The following MTSS2 variants were observed in gnomAD, a reference collection of about 807,000 sequenced individuals.
MTSS2 encodes the protein MTSS I-BAR domain containing 2, also known as protein MTSS 2.
A neutral mutation model predicts 67.1 loss-of-function variants in MTSS2; 27 were observed. The observed-to-expected ratio is 0.40, with a 90% CI of 0.30 to 0.55. The LOEUF (loss-of-function observed/expected upper bound fraction) is 0.55. Among genes scored for constraint, MTSS2 ranks in the 20% least tolerant of loss-of-function variants. The pLI is 0.43. For synonymous variants in MTSS2, 624 were observed against 468.6 expected (o/e 1.33, Z -4.28); for missense variants, 1,171 against 1,067.8 (o/e 1.10, Z -1.35).
chr16:70,666,635 A>T (rs1270613359), intron 11 of MTSS2, among the ~76,000 whole-genome samples: 1 of 152,246 alleles, frequency 6.6e-6, no homozygotes, highest in African/African-American at 2.4e-5. Flanking sequence ...ATGAACCAAG[A>T]TCACCAAAAT....
In MTSS2 at chr16:70,664,079, C is replaced by T. The variant is rs377688167; in HGVS notation, c.1842G>A (p.Glu614=). ...YMGPTRAGSE[E]CVFYTDETAS... is the part of the protein sequence containing the mutation. ...CGGTCTCGTCGGTATAGAAGACGCACTCCTCACTGCCCGCCCGTGTGGGCC... is the reference window on the plus strand; with the variant it reads ...CGGTCTCGTCGGTATAGAAGACGCATTCCTCACTGCCCGCCCGTGTGGGCC... The change falls in exon 15 of 15, where the codon GAG becomes GAA. Residue 614 remains glutamate, a synonymous_variant. Coordinates refer to ENST00000338779, the MANE Select transcript of MTSS2 (RefSeq NM_138383.3). 10 of 1,611,836 alleles carry T rather than the reference C, an allele frequency of 6.2e-6. No individual in the cohort carries two copies. The highest frequency in any genetic ancestry group is 1.7e-4 in the Middle Eastern group (1 of 6,058).
rs748042851 is a variant in MTSS2 at position 70,681,075 on chromosome 16, G to A, written c.70-50C>T. 30 of 1,547,094 alleles carry A rather than the reference G, an allele frequency of 1.9e-5. No homozygotes were observed. The South Asian group carries it at 3.6e-4, about 19-fold the overall frequency. ...TGAGCTTCTTGTGGGGTGGTTGCAG[G>A]GCTTGACCTGGGCCGGGCTCCCTGC... On this transcript the variant is annotated intron_variant, in intron 1 of 14. Coordinates refer to ENST00000338779, the MANE Select transcript of MTSS2 (RefSeq NM_138383.3).
At chr16:70,682,210 G>A (rs1172079874) in intron 1 of MTSS2, among the ~76,000 whole-genome samples, 1 of 152,186 alleles carries the variant, frequency 6.6e-6, no homozygotes, top group Non-Finnish European at 1.5e-5. Flanking sequence ...TATTTGCAAA[G>A]TCCACAGAGG....
chr16:70,664,836 C>T (rs1337299183), intron 13 of MTSS2, 73 bp from the exon 14 acceptor site: 4 of 1,524,500 alleles, frequency 2.6e-6, no homozygotes, highest in Non-Finnish European at 3.5e-6. Flanking sequence ...GCAGCCCTGC[C>T]AGGTGGTTGG....
At chr16:70,680,715 G>A (rs2053275785) in intron 3 of MTSS2, 79 bp downstream of exon 3, 2 of 1,292,800 alleles carry the variant, frequency 1.5e-6, no homozygotes, top group Non-Finnish European at 2.2e-6. Context: ...TCCTTTCCCT[G>A]GCCCATCCCC....
At chr16:70,685,519 G>A (rs1316717164) in intron 1 of MTSS2, among the ~76,000 whole-genome samples, 1 of 151,894 alleles carries the variant, frequency 6.6e-6, no homozygotes, top group Admixed American at 6.6e-5. Flanking sequence ...GCACCGCACG[G>A]ACACCCCGAC....
At chr16:70,677,934 T>C in intron 8 of MTSS2, 35 bp from the exon 9 acceptor site, 1 of 1,473,616 alleles carries the variant, frequency 6.8e-7, no homozygotes, top group Non-Finnish European at 9.1e-7. Flanking sequence ...GCTGGCCCTA[T>C]CGCCCACCTG....
At position 70,664,656 on chromosome 16, in the gene MTSS2, G is replaced by A. The variant is rs374136740; in HGVS notation, c.1413C>T (p.Ser471=). ...KSSRDSLQYS[S]GYSTQTTTPS... ...GCGTGGTGGTCTGCGTGCTGTAGCC[G>A]CTGGAGTACTGCAGCGAGTCCCGGC... Residue 471 remains serine (S), a synonymous_variant, in exon 14 of 15, where the codon AGC becomes AGT. Transcript: ENST00000338779. The A allele has an allele frequency of 9.9e-6, 16 of 1,613,322 alleles. No homozygotes were observed. The highest frequency in any genetic ancestry group is 3.3e-5 in the Admixed American group (2 of 59,986).
chr16:70,683,982 T>C (rs1226706691), intron 1 of MTSS2, among the ~76,000 whole-genome samples: 1 of 152,218 alleles, frequency 6.6e-6, no homozygotes, highest in Non-Finnish European at 1.5e-5. Flanking sequence ...TGCCTCCACA[T>C]GTCAGCAAAT....
Position 70,664,044 on chromosome 16 carries a change from A to C in MTSS2, c.1877T>G (p.Leu626Arg). Residue 626 changes from leucine (L) to arginine (R), a missense_variant, in exon 15 of 15, where the codon CTG (leucine) becomes CGG (arginine). By Grantham distance (102) the Leu-to-Arg change is moderately radical. This residue lies in a region of MTSS2 where 924 missense variants were observed against 756.0 expected (regional missense o/e 1.22). Transcript: ENST00000338779. ...GGAGGCCTTGGCGAGGTCCGGTGCC[A>C]GGGGTGAGGCGGTCTCGTCGGTATA... The part of the protein sequence containing the change: ...VFYTDETASP[L>R]APDLAKASPK... 2.3e-5 allele frequency: 37 copies of C among 1,609,966 alleles called. No individual in the cohort carries two copies. Among genetic ancestry groups the C allele is most frequent in the Non-Finnish European group, 3.1e-5 (36 of 1,178,840 alleles).
Position 70,678,310 on chromosome 16 carries a change from G to A in MTSS2, c.566C>T (p.Ala189Val), listed in dbSNP as rs774333425. The A allele has an allele frequency of 6.2e-7, 1 of 1,612,550 alleles. No homozygotes were observed. Among genetic ancestry groups the A allele is most frequent in the Non-Finnish European group, 8.5e-7 (1 of 1,179,986 alleles). Reference protein sequence around the residue: ...EETEKQAVRRALIEERGRFCT... With the variant: ...EETEKQAVRRVLIEERGRFCT... ...GAAGCGGCCCCGCTCCTCGATCAGC[G>A]CCCGGCGCACGGCCTGCTTCTCCGT... Residue 189 changes from alanine to valine, a missense_variant, in exon 8 of 15, where the codon GCG becomes GTG. Ala to Val is a moderately conservative substitution (Grantham distance 64). Around this residue, in one of 2 missense-constraint regions of MTSS2, gnomAD observed 247 missense variants for 311.8 expected, o/e 0.79. Transcript: ENST00000338779.
chr16:70,661,267 G>GTGAC lies in MTSS2; in HGVS notation c.*2406_*2409dup, dbSNP rs1483066446. The GTGAC allele has an allele frequency of 1.3e-5, 6 of 455,642 alleles. No homozygotes were observed. Among genetic ancestry groups the GTGAC allele is most frequent in the South Asian group, 3.1e-5 (2 of 64,514 alleles). 28.2% of individuals were successfully genotyped at this position (455,642 alleles called of 1,614,324 possible). ...CACAGTGCATCTGTTACTTGTAGCAGTGACTATATTTAAATCGGGGAGGAT... is the reference window on the plus strand; with the variant it reads ...CACAGTGCATCTGTTACTTGTAGCAGTGACTGACTATATTTAAATCGGGGAGGAT... On this transcript the variant is annotated 3_prime_UTR_variant, in exon 15 of 15. Transcript: ENST00000338779.
chr16:70,684,180 G>A (rs1056206725), intron 1 of MTSS2, among the ~76,000 whole-genome samples: 5 of 152,226 alleles, frequency 3.3e-5, no homozygotes, highest in Admixed American at 2.0e-4. Context: ...GGTGGGGTGC[G>A]GGAAGGCCCA....
chr16:70,685,162 A>T (rs2053412388), intron 1 of MTSS2, among the ~76,000 whole-genome samples: 1 of 138,748 alleles, frequency 7.2e-6, no homozygotes, highest in East Asian at 2.5e-4. Flanking sequence ...AGGGACATTC[A>T]GCCTGGAGAC....
intron 11 of MTSS2, 23 bp from the exon 12 acceptor site, chr16:70,665,563 C>A (rs539341343): frequency 1.9e-6 from 3 of 1,538,808 alleles, no homozygotes; most frequent in Non-Finnish European, 2.6e-6. Flanking sequence ...GGCCAGCAGG[C>A]GGTTGCAGAC....
intron 1 of MTSS2, among the ~76,000 whole-genome samples, chr16:70,684,320 C>T (rs2053389602): frequency 7.0e-6 from 1 of 143,664 alleles, no homozygotes; most frequent in Non-Finnish European, 1.5e-5. Flanking sequence ...CGGAGGGGCC[C>T]AGATGTACAG....
rs775284691 is a variant in MTSS2, at chr16:70,661,377, G to C, written c.*2300C>G. 7.5e-6 allele frequency: 3 copies of C among 399,582 alleles called. No homozygotes were observed. Among genetic ancestry groups the C allele is most frequent in the South Asian group, 5.4e-5 (3 of 55,088 alleles). The allele number at this position is 399,582 out of a possible 1,614,324, so 24.8% of individuals were successfully genotyped here. The stretch of plus-strand genomic sequence containing the variant: ...AACAAATGGTTCAGATGGGACGGAG[G>C]GTGGGGGAGGGGGGGAGGGTGAGTA... On this transcript the variant is annotated 3_prime_UTR_variant, in exon 15 of 15. Transcript: ENST00000338779.
chr16:70,679,577 G>A (rs1442399841), intron 6 of MTSS2, 53 bp downstream of exon 6: 5 of 1,530,548 alleles, frequency 3.3e-6, no homozygotes, highest in Non-Finnish European at 4.4e-6. Context: ...GGGGCGGTGG[G>A]GCTGTGGAGC....
chr16:70,676,643 T>C (rs952994210), intron 10 of MTSS2, among the ~76,000 whole-genome samples: 9 of 152,158 alleles, frequency 5.9e-5, no homozygotes, highest in African/African-American at 2.2e-4. Context: ...TAGTGGATGC[T>C]CCATAAATGA....
Sources: gnomAD v4.1 joint callset for allele counts (sites outside exome capture counted in the v4.1 genomes callset) on GRCh38, gnomAD v4.1.1 for gene constraint, gnomAD v4.1.1 regional missense constraint, MANE v1.5 for transcripts, NCBI Gene and HGNC (gene_info 2026-07-23, HGNC 2026-07-21) for gene names.